NR3C1: variants seen among roughly 807,000 people sequenced by gnomAD.
NR3C1 encodes nuclear receptor subfamily 3 group C member 1.
A neutral mutation model predicts 74.0 loss-of-function variants in NR3C1; 14 were observed. The ratio of observed to expected loss-of-function variants is 0.19; its 90% CI spans 0.12 to 0.30. NR3C1 has a LOEUF of 0.30. Ranked by LOEUF, NR3C1 falls within the 10% of genes least tolerant of loss-of-function variation. The pLI, the probability that NR3C1 is intolerant of heterozygous loss-of-function variation, is 1.00. For missense variants in NR3C1, 695 were observed against 909.8 expected (o/e 0.76, Z 3.04); for synonymous variants, 308 against 332.5 (o/e 0.93, Z 0.80).
chr5:143,342,840 A>G (rs986282918), intron 2 of NR3C1, among the ~76,000 whole-genome samples: 1 of 152,206 alleles, frequency 6.6e-6, no homozygotes, highest in Non-Finnish European at 1.5e-5. Flanking sequence ...CCATGTGAGA[A>G]TATCAAAGGA....
At chr5:143,419,544 G>A (rs1751107618) in intron 1 of NR3C1, among the ~76,000 whole-genome samples, 2 of 152,148 alleles carry the variant, frequency 1.3e-5, no homozygotes, top group Non-Finnish European at 2.9e-5. Context: ...CTGGGCGTCT[G>A]GGGGAGACAT....
intron 2 of NR3C1, among the ~76,000 whole-genome samples, chr5:143,381,600 A>C (rs897029098): frequency 2.6e-5 from 4 of 152,104 alleles, no homozygotes; most frequent in Non-Finnish European, 5.9e-5. Flanking sequence ...ACAGATACAC[A>C]GACCTAGAGA....
Position 143,332,848 on chromosome 5 carries a change from G to A in NR3C1, c.1185-18680C>T. 2.1e-6 allele frequency: 3 copies of A among 1,457,178 alleles called. No homozygotes were observed. The Admixed American group carries it at 5.0e-5, about 24-fold the overall frequency. The allele number at this position is 1,457,178 out of a possible 1,614,324, so 90.3% of individuals were successfully genotyped here. A position where few individuals can be genotyped will look rare whatever the true frequency, so the allele number is the denominator to read the frequency against. On this transcript the variant is annotated intron_variant, in intron 2 of 8. Coordinates refer to ENST00000394464, the MANE Select transcript of NR3C1 (RefSeq NM_000176.3). ...AGACTTCGCCTAAAGAAAATTTTTA[G>A]TGGTATCTTTGTAAAAGTTACCCCC...
intron 1 of NR3C1, among the ~76,000 whole-genome samples, chr5:143,419,871 G>C (rs1751128678): frequency 6.6e-6 from 1 of 152,038 alleles, no homozygotes; most frequent in Non-Finnish European, 1.5e-5. Flanking sequence ...AATAAGCCTG[G>C]GAGCGCTATG....
chr5:143,371,341 C>T (rs934371413), intron 2 of NR3C1, among the ~76,000 whole-genome samples: 8 of 152,216 alleles, frequency 5.3e-5, no homozygotes, highest in African/African-American at 1.9e-4. Flanking sequence ...TTTTGACTTA[C>T]AGCTAAAGCA....
At chr5:143,401,117 A>G (rs1421182025) in intron 1 of NR3C1, 3 of 487,384 alleles carry the variant, frequency 6.2e-6, no homozygotes, top group African/African-American at 5.8e-5. Context: ...AAGCTTGGCT[A>G]TTCATCCTGC....
intron 2 of NR3C1, among the ~76,000 whole-genome samples, chr5:143,357,811 G>A (rs537891995): frequency 6.6e-6 from 1 of 152,160 alleles, no homozygotes; most frequent in Non-Finnish European, 1.5e-5. Context: ...TTTTAAGGTG[G>A]TATAGTTACT....
intron 1 of NR3C1, among the ~76,000 whole-genome samples, chr5:143,415,621 T>C (rs1303534184): frequency 6.6e-6 from 1 of 152,226 alleles, no homozygotes; most frequent in Admixed American, 6.5e-5. Flanking sequence ...TATTTTCAGG[T>C]AATAGTAGCA....
chr5:143,341,517 C>G (rs533127102), intron 2 of NR3C1, among the ~76,000 whole-genome samples: 33 of 152,310 alleles, frequency 2.2e-4, no homozygotes, highest in African/African-American at 6.7e-4. Flanking sequence ...TTCAGGACAT[C>G]TGGATACATG....
At chr5:143,345,189 T>C (rs1250262647) in intron 2 of NR3C1, among the ~76,000 whole-genome samples, 1 of 152,068 alleles carries the variant, frequency 6.6e-6, no homozygotes, top group Non-Finnish European at 1.5e-5. Flanking sequence ...AATGAACACA[T>C]TGGAAAATGA....
At chr5:143,364,442 GA>G (rs1267659265) in intron 2 of NR3C1, among the ~76,000 whole-genome samples, 2 of 152,128 alleles carry the variant, frequency 1.3e-5, no homozygotes, top group Non-Finnish European at 2.9e-5. Context: ...TTTGCCTTTA[GA>G]AATACAACAT....
At chr5:143,380,612 T>C (rs1329973810) in intron 2 of NR3C1, among the ~76,000 whole-genome samples, 1 of 143,014 alleles carries the variant, frequency 7.0e-6, no homozygotes, top group Non-Finnish European at 1.5e-5. Flanking sequence ...CCTCAGAGGT[T>C]CAAGTAGTTG....
chr5:143,333,048 T>C (rs1362159659), intron 2 of NR3C1: 1 of 1,594,354 alleles, frequency 6.3e-7, no homozygotes, highest in East Asian at 2.2e-5. Context: ...TGGCTTCATT[T>C]GCTTGGAAGA....
At chr5:143,292,009 C>A (rs770558303) in intron 7 of NR3C1, among the ~76,000 whole-genome samples, 1 of 152,102 alleles carries the variant, frequency 6.6e-6, no homozygotes, top group East Asian at 1.9e-4. Context: ...TTTTAGCATG[C>A]CTTGTAGTTT....
intron 5 of NR3C1, 86 bp from the exon 6 acceptor site, chr5:143,298,898 A>C: frequency 7.0e-7 from 1 of 1,422,758 alleles, no homozygotes; most frequent in Non-Finnish European, 9.7e-7. Flanking sequence ...GAGATCAATT[A>C]GCCCTGTCAA....
rs750021130 is a variant in NR3C1, at chr5:143,279,686, ACT to A, written c.*2201_*2202del. ...ATGTCCTCATTTTATTTGGAAATAA[ACT>A]CTTGTTGTAGGATAGAAAGGAATTA... On this transcript the variant is annotated 3_prime_UTR_variant, in exon 9 of 9. Transcript: ENST00000394464. 2.0e-4 allele frequency: 67 copies of A among 333,758 alleles called. No homozygotes were observed. Among genetic ancestry groups the A allele is most frequent in the Non-Finnish European group, 2.9e-4 (55 of 187,054 alleles). The allele number at this position is 333,758 out of a possible 1,614,324, so 20.7% of individuals were successfully genotyped here.
chr5:143,399,368 G>A (rs906900824), intron 2 of NR3C1, among the ~76,000 whole-genome samples: 2 of 151,980 alleles, frequency 1.3e-5, no homozygotes, highest in Admixed American at 6.5e-5. Flanking sequence ...ATAATTTTTC[G>A]TTAAGATATC....
intron 2 of NR3C1, among the ~76,000 whole-genome samples, chr5:143,343,746 T>C (rs1828683191): frequency 6.6e-6 from 1 of 152,214 alleles, no homozygotes; most frequent in Non-Finnish European, 1.5e-5. Flanking sequence ...ATAATATTCT[T>C]GGAAGGTGTT....
intron 6 of NR3C1, among the ~76,000 whole-genome samples, chr5:143,296,789 GT>G (rs1379639420): frequency 1.3e-5 from 2 of 151,880 alleles, no homozygotes; most frequent in Non-Finnish European, 2.9e-5. Flanking sequence ...AGAAAAAAGG[GT>G]GGAGGGCTGG....
Sources: gnomAD v4.1 joint callset for allele counts (sites outside exome capture counted in the v4.1 genomes callset) on GRCh38, gnomAD v4.1.1 for gene constraint, MANE v1.5 for transcripts, NCBI Gene and HGNC (gene_info 2026-07-23, HGNC 2026-07-21) for gene names.